LMX1B: variants seen among roughly 807,000 people sequenced by gnomAD.
LMX1B encodes LIM homeobox transcription factor 1 beta.
In LMX1B, 12 loss-of-function variants were observed where a neutral mutation model predicts 51.4. The observed-to-expected ratio is 0.23, with a 90% CI of 0.15 to 0.38. The LOEUF (loss-of-function observed/expected upper bound fraction) is 0.38, where lower values mean the gene tolerates loss of function less well. LMX1B is among the 10% of genes least tolerant of loss of function. The pLI is 1.00. For synonymous variants in LMX1B, 237 were observed against 235.4 expected, an observed-to-expected ratio of 1.01 and a Z score of -0.06; for missense variants, 445 against 571.1, an observed-to-expected ratio of 0.78 and a Z score of 2.25.
chr9:126,624,388 C>G (rs1439154563), intron 2 of LMX1B, among the ~76,000 whole-genome samples: 1 of 152,220 alleles, frequency 6.6e-6, no homozygotes, highest in Non-Finnish European at 1.5e-5. Flanking sequence ...TTGAGCACAG[C>G]CCTCGCCCCT....
chr9:126,676,313 G>T (rs1236144546), intron 2 of LMX1B, among the ~76,000 whole-genome samples: 1 of 152,126 alleles, frequency 6.6e-6, no homozygotes, highest in East Asian at 1.9e-4. Flanking sequence ...TCTGTCTTCC[G>T]AAAAGTGGCC....
At position 126,678,314 on chromosome 9, in the gene LMX1B, A is replaced by G. The variant is rs557101950; in HGVS notation, c.327-12522A>G. ...GACAGAGCGAGACTTCGTCTCAAAAAAAAAAAACAAAAAACAAAAAAAAAA... is the reference window on the plus strand; with the variant it reads ...GACAGAGCGAGACTTCGTCTCAAAAGAAAAAAACAAAAAACAAAAAAAAAA... On this transcript the variant is annotated intron_variant, in intron 2 of 7. Coordinates refer to ENST00000373474, the MANE Select transcript of LMX1B (RefSeq NM_001174147.2). Among the ~76,000 whole-genome samples, 446 of 145,552 alleles carry G rather than the reference A, an allele frequency of 3.1e-3. 1 individual carries two copies. The highest frequency in any genetic ancestry group is 5.1e-3 in the Admixed American group (76 of 14,996).
rs141464029 is a variant in LMX1B, at chr9:126,656,074, A to G, written c.327-34762A>G. Among the ~76,000 whole-genome samples, 877 of 152,360 alleles carry G rather than the reference A, an allele frequency of 5.8e-3. 19 individuals are homozygous for G. Among genetic ancestry groups the G allele is most frequent in the African/African-American group, 0.02 (846 of 41,576 alleles). On this transcript the variant is annotated intron_variant, in intron 2 of 7. Transcript: ENST00000373474. ...TAAATTGAACTCTGAGCATCCTAGC[A>G]GCCCAGGTGGAAGGAAAAATGGGAT...
At chr9:126,629,973 G>A (rs1370434098) in intron 2 of LMX1B, among the ~76,000 whole-genome samples, 22 of 151,922 alleles carry the variant, frequency 1.4e-4, no homozygotes, top group Admixed American at 2.0e-4. Context: ...GTGAAACCCC[G>A]TCTCCACTAA....
intron 2 of LMX1B, among the ~76,000 whole-genome samples, chr9:126,675,946 G>T (rs1177297019): frequency 6.7e-6 from 1 of 149,860 alleles, no homozygotes; most frequent in Non-Finnish European, 1.5e-5. Flanking sequence ...CTACTCGGGA[G>T]GCTGAGGCAG....
intron 2 of LMX1B, among the ~76,000 whole-genome samples, chr9:126,689,834 T>C (rs144058457): frequency 7.9e-5 from 12 of 152,374 alleles, no homozygotes; most frequent in African/African-American, 2.6e-4. Flanking sequence ...CAACTCTGCC[T>C]CTTAGCACCT....
At chr9:126,620,594 C>T (rs1259555189) in intron 2 of LMX1B, among the ~76,000 whole-genome samples, 1 of 152,122 alleles carries the variant, frequency 6.6e-6, no homozygotes, top group African/African-American at 2.4e-5. Context: ...TGGGCTCTTT[C>T]TCCTTTGGGG....
At chr9:126,631,825 C>T (rs982779697) in intron 2 of LMX1B, among the ~76,000 whole-genome samples, 2 of 152,190 alleles carry the variant, frequency 1.3e-5, no homozygotes, top group Non-Finnish European at 2.9e-5. Flanking sequence ...GACCAGACCC[C>T]TGCCTCCGGG....
chr9:126,655,769 T>G (rs556842284), intron 2 of LMX1B, among the ~76,000 whole-genome samples: 1 of 152,366 alleles, frequency 6.6e-6, no homozygotes, highest in African/African-American at 2.4e-5. Context: ...ATTCACCATT[T>G]TGAAGTGTAC....
intron 3 of LMX1B, among the ~76,000 whole-genome samples, chr9:126,692,757 G>T (rs976058356): frequency 6.6e-6 from 1 of 152,266 alleles, no homozygotes; most frequent in African/African-American, 2.4e-5. Flanking sequence ...GCGTGCACCT[G>T]TCTGCCTGTT....
intron 2 of LMX1B, among the ~76,000 whole-genome samples, chr9:126,639,856 A>G (rs1287039488): frequency 1.3e-5 from 2 of 152,190 alleles, no homozygotes; most frequent in Non-Finnish European, 2.9e-5. Flanking sequence ...GGCTGTGATG[A>G]TCTTTAGCAG....
intron 2 of LMX1B, among the ~76,000 whole-genome samples, chr9:126,659,467 G>T (rs1836186668): frequency 6.6e-6 from 1 of 152,260 alleles, no homozygotes; most frequent in African/African-American, 2.4e-5. Context: ...CAGCAGGGCG[G>T]GCATGGCCCA....
In LMX1B at chr9:126,692,690, T is replaced by C. The variant is rs112091775; in HGVS notation, c.560-452T>C. ...AGCACTCTTGTGTGAATATCTGTGG[T>C]GTGTGTCTTTGCTTGCACACTTTCG... is the stretch of plus-strand genomic sequence containing the variant. On this transcript the variant is annotated intron_variant, in intron 3 of 7. Transcript: ENST00000373474. Among the ~76,000 whole-genome samples the C allele has an allele frequency of 7.1e-3, 1,076 of 152,340 alleles. 8 individuals carry two copies. Among genetic ancestry groups the C allele is most frequent in the African/African-American group, 0.017 (694 of 41,570 alleles).
chr9:126,637,178 C>T (rs1210848213), intron 2 of LMX1B, among the ~76,000 whole-genome samples: 1 of 152,182 alleles, frequency 6.6e-6, no homozygotes, highest in African/African-American at 2.4e-5. Flanking sequence ...TGGGCGGTGG[C>T]ACTGTGCTCT....
intron 2 of LMX1B, among the ~76,000 whole-genome samples, chr9:126,688,361 G>A (rs764892467): frequency 2.6e-5 from 4 of 152,220 alleles, no homozygotes; most frequent in Non-Finnish European, 4.4e-5. Flanking sequence ...CTCTCCGGGA[G>A]TCACCCAAGG....
Position 126,693,507 on chromosome 9 carries a change from C to T in LMX1B, c.742-17C>T. On this transcript the variant is annotated splice_polypyrimidine_tract_variant and intron_variant, in intron 4 of 7. Coordinates refer to ENST00000373474, the MANE Select transcript of LMX1B (RefSeq NM_001174147.2). ...TGCCCCTGGAGGGCCTGACCTGTTC[C>T]CCTCTCTCTGAGCCAGGTCCGAGAG... 2.5e-6 allele frequency: 4 copies of T among 1,613,608 alleles called. No homozygotes were observed.
intron 2 of LMX1B, among the ~76,000 whole-genome samples, chr9:126,632,141 A>G (rs1448406553): frequency 6.6e-6 from 1 of 152,138 alleles, no homozygotes; most frequent in Non-Finnish European, 1.5e-5. Context: ...TAAAGAACCT[A>G]CCTTCCAGGT....
chr9:126,684,107 A>G (rs898406694), intron 2 of LMX1B, among the ~76,000 whole-genome samples: 6 of 152,070 alleles, frequency 3.9e-5, no homozygotes, highest in Non-Finnish European at 8.8e-5. Context: ...TGGGAACAGA[A>G]GGGCTGCAGT....
At chr9:126,660,169 G>A (rs1404459849) in intron 2 of LMX1B, among the ~76,000 whole-genome samples, 13 of 108,270 alleles carry the variant, frequency 1.2e-4, no homozygotes, top group African/African-American at 2.0e-4. Context: ...AGATTGTCCT[G>A]TGTGGGGGTA....
Sources: gnomAD v4.1 joint callset for allele counts (sites outside exome capture counted in the v4.1 genomes callset) on GRCh38, gnomAD v4.1.1 for gene constraint, MANE v1.5 for transcripts, NCBI Gene and HGNC (gene_info 2026-07-23, HGNC 2026-07-21) for gene names.